Variants in APP observed in about 807,000 individuals in gnomAD.
The protein encoded by APP is amyloid beta precursor protein.
Under a neutral mutation model 101.4 loss-of-function variants are expected in APP, and 31 were observed. The observed-to-expected ratio is 0.31, with a 90% CI of 0.23 to 0.41. The LOEUF (loss-of-function observed/expected upper bound fraction) is 0.41. APP is among the 10% of genes least tolerant of loss of function. The pLI is 1.00. For synonymous variants in APP, 366 were observed against 364.4 expected (o/e 1.00, Z -0.05); for missense variants, 839 against 1,003.7 (o/e 0.84, Z 2.22).
chr21:25,984,850 CA>C (rs1480739810), intron 8 of APP, among the ~76,000 whole-genome samples: 3 of 151,668 alleles, frequency 2.0e-5, no homozygotes, highest in Admixed American at 2.0e-4. Context: ...ATGTTTGAAA[CA>C]AATGAAAATG....
intron 1 of APP, among the ~76,000 whole-genome samples, chr21:26,121,853 A>ATTGACCCACTGCAATG (rs1289598810): frequency 6.6e-6 from 1 of 152,118 alleles, no homozygotes; most frequent in South Asian, 2.1e-4. Flanking sequence ...ATTTCTTCTC[A>ATTGACCCACTGCAATG]TTGACCCACT....
chr21:26,118,437 C>A (rs1452818269), intron 1 of APP, among the ~76,000 whole-genome samples: 1 of 152,146 alleles, frequency 6.6e-6, no homozygotes, highest in Non-Finnish European at 1.5e-5. Context: ...TATATACATA[C>A]ACACACACTA....
At chr21:25,947,486 C>T (rs983869077) in intron 13 of APP, among the ~76,000 whole-genome samples, 2 of 152,272 alleles carry the variant, frequency 1.3e-5, no homozygotes, top group East Asian at 3.9e-4. Flanking sequence ...AATAGTATAC[C>T]GTACTTTGCC....
intron 3 of APP, among the ~76,000 whole-genome samples, chr21:26,062,084 C>A (rs2046285847): frequency 6.6e-6 from 1 of 151,986 alleles, no homozygotes; most frequent in Non-Finnish European, 1.5e-5. Context: ...TTGGCGCGCA[C>A]CTATAGTCCC....
intron 1 of APP, among the ~76,000 whole-genome samples, chr21:26,131,245 A>T (rs1197940167): frequency 6.6e-6 from 1 of 151,984 alleles, no homozygotes; most frequent in African/African-American, 2.4e-5. Flanking sequence ...ATAAATAAAT[A>T]AATAAATAAA....
At chr21:25,894,702 A>G (rs2037917140) in intron 16 of APP, among the ~76,000 whole-genome samples, 1 of 152,230 alleles carries the variant, frequency 6.6e-6, no homozygotes, top group Non-Finnish European at 1.5e-5. Context: ...TTGCAATGGA[A>G]TCTACTCTTG....
At chr21:26,056,874 CATGTTAGA>C (rs1325658611) in intron 3 of APP, among the ~76,000 whole-genome samples, 1 of 152,146 alleles carries the variant, frequency 6.6e-6, no homozygotes, top group Non-Finnish European at 1.5e-5. Flanking sequence ...TTTGATGAAA[CATGTTAGA>C]AGGTTACACA....
chr21:26,047,772 T>C (rs575896830), intron 5 of APP, among the ~76,000 whole-genome samples: 8 of 152,238 alleles, frequency 5.3e-5, no homozygotes, highest in South Asian at 2.1e-4. Flanking sequence ...TGTCCAAATA[T>C]AGTAGTCACC....
chr21:26,026,143 C>CA (rs2044562214), intron 5 of APP, among the ~76,000 whole-genome samples: 1 of 152,212 alleles, frequency 6.6e-6, no homozygotes, highest in Non-Finnish European at 1.5e-5. Context: ...CATCATAAAA[C>CA]AATTTCCTTA....
At chr21:26,099,739 G>GA (rs2062017572) in intron 2 of APP, among the ~76,000 whole-genome samples, 1 of 152,168 alleles carries the variant, frequency 6.6e-6, no homozygotes, top group Non-Finnish European at 1.5e-5. Context: ...AAGAGAACTG[G>GA]AAAACGAAAA....
chr21:26,023,216 T>C (rs2044422095), intron 5 of APP, among the ~76,000 whole-genome samples: 1 of 152,038 alleles, frequency 6.6e-6, no homozygotes, highest in African/African-American at 2.4e-5. Flanking sequence ...CAGAATCACC[T>C]GGAAGGCTTA....
In APP at chr21:26,104,030, G is replaced by A. The variant is rs181527411; in HGVS notation, c.225+7949C>T. On this transcript the variant is annotated intron_variant, in intron 2 of 17. Coordinates refer to ENST00000346798, the MANE Select transcript of APP (RefSeq NM_000484.4). Reference sequence around the variant, plus strand: ...GCCAGCATGACCGAGTTCTGGTGAGGCCGCTCTTCCTTGCTTGCAGACAGC... The same window carrying A: ...GCCAGCATGACCGAGTTCTGGTGAGACCGCTCTTCCTTGCTTGCAGACAGC... Among the ~76,000 whole-genome samples, 7 of 152,298 alleles carry A rather than the reference G, an allele frequency of 4.6e-5. No individual in the cohort carries two copies. In the East Asian group the frequency reaches 1.4e-3, roughly 29 times the overall value.
chr21:26,083,508 TTTGA>T (rs980373546), intron 3 of APP, among the ~76,000 whole-genome samples: 11 of 152,328 alleles, frequency 7.2e-5, no homozygotes, highest in African/African-American at 2.6e-4. Context: ...GCCAAATGGT[TTTGA>T]TTATTTTTAG....
At chr21:26,156,247 T>C (rs1438382376) in intron 1 of APP, among the ~76,000 whole-genome samples, 1 of 152,216 alleles carries the variant, frequency 6.6e-6, no homozygotes, top group Non-Finnish European at 1.5e-5. Flanking sequence ...CTCGTATGAA[T>C]AGACCATTTT....
intron 14 of APP, among the ~76,000 whole-genome samples, chr21:25,906,044 C>CA (rs1432530311): frequency 1.4e-4 from 21 of 152,296 alleles, no homozygotes; most frequent in African/African-American, 5.1e-4. Flanking sequence ...CTGAAGGAGA[C>CA]ACGGTGTGCT....
intron 11 of APP, among the ~76,000 whole-genome samples, chr21:25,963,426 T>C (rs2041665729): frequency 1.3e-5 from 2 of 152,142 alleles, no homozygotes; most frequent in Admixed American, 1.3e-4. Flanking sequence ...GGCAGTGAAG[T>C]GTCAAGAGCG....
chr21:26,153,885 C>T (rs2063325817), intron 1 of APP, among the ~76,000 whole-genome samples: 1 of 152,144 alleles, frequency 6.6e-6, no homozygotes. Flanking sequence ...CAGTCAACAT[C>T]CATGCTGGTA....
chr21:26,156,384 C>T (rs2063375858), intron 1 of APP, among the ~76,000 whole-genome samples: 1 of 152,076 alleles, frequency 6.6e-6, no homozygotes, highest in South Asian at 2.1e-4. Flanking sequence ...CTTAAAAATA[C>T]AACAGATATT....
chr21:26,142,791 G>GA (rs11405152), intron 1 of APP, among the ~76,000 whole-genome samples: 14,720 of 150,746 alleles, frequency 0.098, 918 homozygotes, highest in Admixed American at 0.15. Context: ...AAGAAAAAGT[G>GA]AAAAAAAACA....
Sources: gnomAD v4.1 joint callset for allele counts (sites outside exome capture counted in the v4.1 genomes callset) on GRCh38, gnomAD v4.1.1 for gene constraint, MANE v1.5 for transcripts, NCBI Gene and HGNC (gene_info 2026-07-23, HGNC 2026-07-21) for gene names.